The following TSHR variants were observed in gnomAD, a reference collection of about 807,000 sequenced individuals.
The protein encoded by TSHR is thyrotropin receptor.
In TSHR, 51 loss-of-function variants were observed where a neutral mutation model predicts 64.1. The observed-to-expected ratio is 0.80, with a 90% CI of 0.64 to 1.01. The LOEUF (loss-of-function observed/expected upper bound fraction) is 1.01, where lower values mean the gene tolerates loss of function less well. TSHR is among the 50% of genes least tolerant of loss of function. TSHR has a pLI of 0.00. For synonymous variants in TSHR, 361 were observed against 361.9 expected (o/e 1.00, Z 0.03); for missense variants, 877 against 942.8 (o/e 0.93, Z 0.91).
chr14:81,105,130 G>C (rs1889813465), intron 7 of TSHR: 4 of 985,208 alleles, frequency 4.1e-6, no homozygotes, highest in African/African-American at 1.7e-5. Context: ...AGGTTAACCA[G>C]ATAGCCTACC....
chr14:81,082,396 G>A (rs960025750), intron 3 of TSHR, among the ~76,000 whole-genome samples: 2 of 152,174 alleles, frequency 1.3e-5, no homozygotes, highest in Non-Finnish European at 1.5e-5. Context: ...TCCTGCCTCT[G>A]TATCCCTGCT....
chr14:81,035,163 G>A (rs533317285), intron 1 of TSHR, among the ~76,000 whole-genome samples: 5 of 152,212 alleles, frequency 3.3e-5, no homozygotes, highest in South Asian at 2.1e-4. Context: ...GAGTTGAAGC[G>A]GCCCTGAAAA....
intron 1 of TSHR, among the ~76,000 whole-genome samples, chr14:81,011,468 T>C (rs1889903719): frequency 6.6e-6 from 1 of 152,148 alleles, no homozygotes; most frequent in Admixed American, 6.5e-5. Flanking sequence ...TTCACAGTAT[T>C]CTTTTAAGTT....
rs544473443 is a variant in TSHR at position 81,060,555 on chromosome 14, G to A, written c.171-1593G>A. Among the ~76,000 whole-genome samples, 9 of 152,174 alleles carry A rather than the reference G, an allele frequency of 5.9e-5. No individual in the cohort carries two copies. In the South Asian group the frequency reaches 8.3e-4, roughly 14 times the overall value. On this transcript the variant is annotated intron_variant, in intron 1 of 9. Coordinates refer to ENST00000298171, the MANE Select transcript of TSHR (RefSeq NM_000369.5). The stretch of plus-strand genomic sequence containing the variant: ...CCTCCCTCCCTCCATTTTAATAGAT[G>A]CTTTTACCAACTAATTTGGTCTTTC...
At chr14:80,960,153 A>T (rs7148019) in intron 1 of TSHR, among the ~76,000 whole-genome samples, 1 of 152,204 alleles carries the variant, frequency 6.6e-6, no homozygotes, top group African/African-American at 2.4e-5. Context: ...TGGAAAGACA[A>T]TAGAGAAAGG....
intron 1 of TSHR, among the ~76,000 whole-genome samples, chr14:80,975,948 G>GGAGAC (rs1375147672): frequency 2.0e-5 from 3 of 147,654 alleles, no homozygotes; most frequent in Non-Finnish European, 4.5e-5. Context: ...GTCTCACTCT[G>GGAGAC]TTGCCCAGGC....
chr14:81,108,877 A>G, intron 8 of TSHR: 1 of 1,443,432 alleles, frequency 6.9e-7, no homozygotes, highest in Non-Finnish European at 9.1e-7. Flanking sequence ...TGATAGTTCG[A>G]CTCGTCTGTG....
At chr14:80,988,980 GC>G (rs949697675) in intron 1 of TSHR, among the ~76,000 whole-genome samples, 1 of 152,138 alleles carries the variant, frequency 6.6e-6, no homozygotes, top group African/African-American at 2.4e-5. Context: ...TCTCAAGCTA[GC>G]CACACACCAG....
chr14:81,108,612 G>A (rs2140032369), intron 8 of TSHR, 160 bp downstream of exon 8: 1 of 1,613,260 alleles, frequency 6.2e-7, no homozygotes, highest in Non-Finnish European at 8.5e-7. Context: ...GGCTGTATAG[G>A]CTACCTCTTG....
Position 81,096,762 on chromosome 14 carries a change from C to A in TSHR, c.614+55C>A, listed in dbSNP as rs137859413. 517 of 1,562,814 alleles carry A rather than the reference C, an allele frequency of 3.3e-4. 5 individuals carry two copies. In the African/African-American group the frequency reaches 6.1e-3, roughly 18 times the overall value. The stretch of plus-strand genomic sequence containing the variant: ...ACTTTCCCTTACCCTAAGAACCATC[C>A]AATGGGGCAGAATGCTGTTGAGAGA... On this transcript the variant is annotated intron_variant, in intron 7 of 9. Transcript: ENST00000298171.
rs906111437 is a variant in TSHR, at chr14:80,995,565, A to T, written c.170+39715A>T. 2.0e-5 allele frequency: 3 copies of T among 152,214 alleles called. No individual in the cohort carries two copies. In the East Asian group the frequency reaches 5.8e-4, roughly 29 times the overall value. The allele number at this position is 152,214 out of a possible 1,614,324, so 9.4% of individuals were successfully genotyped here. On this transcript the variant is annotated intron_variant, in intron 1 of 9. Transcript: ENST00000298171. The stretch of plus-strand genomic sequence containing the variant: ...AGCTGGAGGTCATTATCCTCAGCAA[A>T]CCAACACAGGAACAGAAAATCAAAT...
intron 2 of TSHR, among the ~76,000 whole-genome samples, chr14:81,066,435 C>T (rs923720840): frequency 6.6e-6 from 1 of 152,026 alleles, no homozygotes; most frequent in African/African-American, 2.4e-5. Context: ...ATTTATATAA[C>T]GTTATTATCT....
chr14:80,986,056 G>C (rs950518551), intron 1 of TSHR, among the ~76,000 whole-genome samples: 1 of 152,192 alleles, frequency 6.6e-6, no homozygotes, highest in African/African-American at 2.4e-5. Flanking sequence ...AGCATTCACA[G>C]AGCTTGTTAC....
chr14:81,140,063 T>C (rs1473045376), intron 9 of TSHR, among the ~76,000 whole-genome samples, 196 bp downstream of exon 9: 1 of 152,118 alleles, frequency 6.6e-6, no homozygotes, highest in Non-Finnish European at 1.5e-5. Context: ...AATAAGGCAA[T>C]TGCTGCTGGA....
intron 8 of TSHR, among the ~76,000 whole-genome samples, chr14:81,134,677 G>A (rs1891383782): frequency 6.6e-6 from 1 of 152,148 alleles, no homozygotes; most frequent in African/African-American, 2.4e-5. Flanking sequence ...AAAAGTAATA[G>A]GAGAAAATTC....
chr14:81,040,613 A>G (rs1884873309), intron 1 of TSHR, among the ~76,000 whole-genome samples: 1 of 152,078 alleles, frequency 6.6e-6, no homozygotes, highest in African/African-American at 2.4e-5. Flanking sequence ...ACAACTCAGC[A>G]AAAAAACAAA....
chr14:80,989,735 C>T (rs1284611941), intron 1 of TSHR, among the ~76,000 whole-genome samples: 3 of 152,048 alleles, frequency 2.0e-5, no homozygotes, highest in Admixed American at 1.3e-4. Flanking sequence ...ATAAAATCAT[C>T]GGATTTTAGT....
chr14:81,113,434 C>A (rs1048827611), intron 8 of TSHR, among the ~76,000 whole-genome samples: 3 of 152,014 alleles, frequency 2.0e-5, no homozygotes, highest in African/African-American at 7.2e-5. Flanking sequence ...TCAAAAGTCA[C>A]AATAGGGGTC....
intron 1 of TSHR, among the ~76,000 whole-genome samples, chr14:81,017,546 C>T (rs935068188): frequency 6.6e-6 from 1 of 152,092 alleles, no homozygotes; most frequent in Admixed American, 6.6e-5. Context: ...ACCCAAATGC[C>T]CTGTGGGTCT....
Sources: gnomAD v4.1 joint callset for allele counts (sites outside exome capture counted in the v4.1 genomes callset) on GRCh38, gnomAD v4.1.1 for gene constraint, MANE v1.5 for transcripts, NCBI Gene and HGNC (gene_info 2026-07-23, HGNC 2026-07-21) for gene names.